Variants in SPAG16 observed in about 807,000 individuals in gnomAD.
SPAG16 encodes sperm associated antigen 16, also known as sperm-associated antigen 16 protein.
In SPAG16, 86 loss-of-function variants were observed where a neutral mutation model predicts 80.4. That is an observed-to-expected ratio of 1.07 (90% CI 0.90 to 1.28). The LOEUF (loss-of-function observed/expected upper bound fraction) is 1.28, where lower values mean the gene tolerates loss of function less well. SPAG16 is among the 50% of genes most tolerant of loss of function. The pLI is 0.00. For synonymous variants in SPAG16, 294 were observed against 265.9 expected (o/e 1.11, Z -1.03); for missense variants, 870 against 765.3 (o/e 1.14, Z -1.61).
In SPAG16 at chr2:213,769,857, C is replaced by T. The variant is rs529352101; in HGVS notation, c.1071-92628C>T. ...TAACAAATTCATATACCCATCAAAC[C>T]CCTATCAAGACATGGAACATTGCTA... On this transcript the variant is annotated intron_variant, in intron 10 of 15. Coordinates refer to ENST00000331683, the MANE Select transcript of SPAG16 (RefSeq NM_024532.5). Among the ~76,000 whole-genome samples, 5 of 152,212 alleles carry T rather than the reference C, an allele frequency of 3.3e-5. No homozygotes were observed. In the South Asian group the frequency reaches 1.0e-3, roughly 32 times the overall value.
At chr2:213,988,016 C>T (rs959186033) in intron 12 of SPAG16, among the ~76,000 whole-genome samples, 1 of 151,504 alleles carries the variant, frequency 6.6e-6, no homozygotes, top group Non-Finnish European at 1.5e-5. Context: ...CAAAAACTAA[C>T]CAGCTGAAGT....
At chr2:214,391,154 G>T (rs1295505219) in intron 15 of SPAG16, among the ~76,000 whole-genome samples, 7 of 152,070 alleles carry the variant, frequency 4.6e-5, no homozygotes, top group Non-Finnish European at 1.0e-4. Context: ...TATGAATCTT[G>T]ACCCTACTAC....
chr2:214,327,074 A>T (rs1696550858), intron 15 of SPAG16, among the ~76,000 whole-genome samples: 1 of 152,164 alleles, frequency 6.6e-6, no homozygotes, highest in Non-Finnish European at 1.5e-5. Flanking sequence ...TGTTAGATAA[A>T]ATAAGATTGT....
intron 15 of SPAG16, among the ~76,000 whole-genome samples, chr2:214,399,474 A>G (rs990026691): frequency 3.3e-5 from 5 of 152,080 alleles, no homozygotes; most frequent in African/African-American, 1.2e-4. Context: ...AACTAACAGA[A>G]TCTGACAGTG....
chr2:213,729,792 CAG>C (rs1444501667), intron 10 of SPAG16, among the ~76,000 whole-genome samples: 3 of 152,152 alleles, frequency 2.0e-5, no homozygotes, highest in African/African-American at 7.2e-5. Flanking sequence ...CACCAAAGAT[CAG>C]AGAGCAAAAA....
chr2:214,403,118 CA>C (rs1246266058), intron 15 of SPAG16, among the ~76,000 whole-genome samples: 1 of 150,870 alleles, frequency 6.6e-6, no homozygotes, highest in Non-Finnish European at 1.5e-5. Context: ...ATATAGACCT[CA>C]AATCCGGATG....
At chr2:214,079,780 A>C (rs1326936276) in intron 13 of SPAG16, among the ~76,000 whole-genome samples, 5 of 152,230 alleles carry the variant, frequency 3.3e-5, no homozygotes, top group Admixed American at 3.3e-4. Context: ...ATGGGAGACA[A>C]GAGAAAAGAC....
intron 10 of SPAG16, among the ~76,000 whole-genome samples, chr2:213,682,616 G>T (rs541362540): frequency 5.3e-5 from 8 of 152,306 alleles, no homozygotes; most frequent in Non-Finnish European, 1.0e-4. Flanking sequence ...GTGCACAGGA[G>T]AGTTTTATTG....
intron 12 of SPAG16, among the ~76,000 whole-genome samples, chr2:213,987,098 G>A (rs557033629): frequency 1.3e-5 from 2 of 152,042 alleles, no homozygotes; most frequent in Non-Finnish European, 2.9e-5. Flanking sequence ...TCCTCAAGGT[G>A]GGGGAAGTCT....
chr2:213,648,617 C>G (rs2062912315), intron 10 of SPAG16, among the ~76,000 whole-genome samples: 1 of 152,098 alleles, frequency 6.6e-6, no homozygotes. Flanking sequence ...CACACACACA[C>G]ACATTTACTA....
At chr2:214,261,485 G>T (rs1310014029) in intron 15 of SPAG16, among the ~76,000 whole-genome samples, 1 of 152,168 alleles carries the variant, frequency 6.6e-6, no homozygotes, top group Non-Finnish European at 1.5e-5. Flanking sequence ...CTTTCTGAAA[G>T]TGTGGATGTG....
chr2:213,798,061 A>C (rs1041961033), intron 10 of SPAG16, among the ~76,000 whole-genome samples: 8 of 151,398 alleles, frequency 5.3e-5, no homozygotes, highest in African/African-American at 1.9e-4. Flanking sequence ...CCTAATGACT[A>C]CTCCTGAGTA....
chr2:214,177,971 GTATA>G (rs34460783), intron 15 of SPAG16, among the ~76,000 whole-genome samples: 672 of 59,140 alleles, frequency 0.011, 3 homozygotes, highest in Middle Eastern at 0.05. Flanking sequence ...CAAAGTGTAT[GTATA>G]TATATATATA....
At chr2:213,449,079 G>A (rs13003532) in intron 9 of SPAG16, among the ~76,000 whole-genome samples, 108 of 152,198 alleles carry the variant, frequency 7.1e-4, no homozygotes, top group Non-Finnish European at 1.2e-3. Context: ...AAACGAATGT[G>A]TTCCTGGGGG....
intron 10 of SPAG16, among the ~76,000 whole-genome samples, chr2:213,775,242 T>C (rs184701660): frequency 3.9e-5 from 6 of 152,350 alleles, no homozygotes; most frequent in Admixed American, 2.6e-4. Context: ...TAAATCATAA[T>C]TGTATATACC....
At chr2:214,138,821 C>G (rs1408011708) in intron 14 of SPAG16, among the ~76,000 whole-genome samples, 1 of 152,110 alleles carries the variant, frequency 6.6e-6, no homozygotes, top group South Asian at 2.1e-4. Flanking sequence ...TCTTATTGCT[C>G]CTACCTGAGC....
chr2:213,306,709 GC>G (rs1198827171), intron 3 of SPAG16, among the ~76,000 whole-genome samples: 1 of 151,956 alleles, frequency 6.6e-6, no homozygotes, highest in Non-Finnish European at 1.5e-5. Context: ...GCCTGGTGTT[GC>G]TTTCTGCCAT....
chr2:213,987,708 A>G (rs2106439936), intron 12 of SPAG16, among the ~76,000 whole-genome samples: 1 of 151,658 alleles, frequency 6.6e-6, no homozygotes, highest in African/African-American at 2.4e-5. Context: ...ATCTGCACAC[A>G]TTTTCAAAAG....
chr2:214,370,409 T>C (rs956496866), intron 15 of SPAG16, among the ~76,000 whole-genome samples: 2 of 152,190 alleles, frequency 1.3e-5, no homozygotes, highest in South Asian at 4.1e-4. Flanking sequence ...GTGCTCACCA[T>C]AACATGTATT....
Sources: gnomAD v4.1 joint callset for allele counts (sites outside exome capture counted in the v4.1 genomes callset) on GRCh38, gnomAD v4.1.1 for gene constraint, MANE v1.5 for transcripts, NCBI Gene and HGNC (gene_info 2026-07-23, HGNC 2026-07-21) for gene names.